TENM3: variants seen among roughly 807,000 people sequenced by gnomAD.
The protein encoded by TENM3 is teneurin-3.
Under a neutral mutation model 255.1 loss-of-function variants are expected in TENM3, and 63 were observed. The observed-to-expected ratio is 0.25, with a 90% CI of 0.20 to 0.30. The LOEUF (loss-of-function observed/expected upper bound fraction) is 0.30, where lower values mean the gene tolerates loss of function less well. TENM3 is among the 10% of genes least tolerant of loss of function. The pLI, the probability that TENM3 is intolerant of heterozygous loss-of-function variation, is 1.00. For synonymous variants in TENM3, 1,306 were observed against 1,322.3 expected (o/e 0.99, Z 0.27); for missense variants, 2,929 against 3,461.1 (o/e 0.85, Z 3.86).
chr4:182,361,959 T>G (rs1357020421), intron 3 of TENM3, among the ~76,000 whole-genome samples: 2 of 152,212 alleles, frequency 1.3e-5, no homozygotes, highest in Non-Finnish European at 2.9e-5. Context: ...GCTGCAGGTC[T>G]GTTGGAGTTT....
the TENM3 span, among the ~76,000 whole-genome samples, chr4:181,491,397 T>G: frequency 6.6e-6 from 1 of 152,020 alleles, no homozygotes. Flanking sequence ...TTATTCAAAA[T>G]AAAATGGAAT....
At chr4:182,070,358 C>T in the TENM3 span, among the ~76,000 whole-genome samples, 57,382 of 152,156 alleles carry the variant, frequency 0.38, 12,553 homozygotes, top group East Asian at 0.57. Context: ...GTGGCTCACA[C>T]CTGTAATCCC....
intron 1 of TENM3, among the ~76,000 whole-genome samples, chr4:182,232,553 A>G (rs1209535419): frequency 1.3e-5 from 2 of 152,204 alleles, no homozygotes; most frequent in South Asian, 2.1e-4. Flanking sequence ...GCGAAACCCC[A>G]TGTCTACTAA....
chr4:182,371,229 T>A (rs1580327670), intron 3 of TENM3, among the ~76,000 whole-genome samples: 1 of 144,218 alleles, frequency 6.9e-6, no homozygotes, highest in Non-Finnish European at 1.5e-5. Context: ...CTCCTCCCCA[T>A]CACACACACA....
the TENM3 span, among the ~76,000 whole-genome samples, chr4:181,539,170 C>T: frequency 8.5e-5 from 13 of 152,134 alleles, no homozygotes; most frequent in Non-Finnish European, 1.8e-4. Flanking sequence ...TTTTCTTCAG[C>T]ATTGGAAGAA....
chr4:181,606,883 C>G, the TENM3 span, among the ~76,000 whole-genome samples: 1 of 152,100 alleles, frequency 6.6e-6, no homozygotes, highest in Non-Finnish European at 1.5e-5. Context: ...GGTTCACCAG[C>G]CCAGGGCCAT....
At chr4:182,678,048 A>C (rs976676719) in intron 7 of TENM3, among the ~76,000 whole-genome samples, 1 of 152,086 alleles carries the variant, frequency 6.6e-6, no homozygotes. Flanking sequence ...ATAATTATTT[A>C]TATATAGTAC....
chr4:181,798,437 T>C, the TENM3 span, among the ~76,000 whole-genome samples: 2 of 152,144 alleles, frequency 1.3e-5, no homozygotes, highest in African/African-American at 4.8e-5. Flanking sequence ...GACTCCCTAG[T>C]GGCTGGGAGC....
In TENM3 at chr4:182,565,332, A is replaced by C. The variant is rs2074692308; in HGVS notation, c.512-35592A>C. Among the ~76,000 whole-genome samples the C allele has an allele frequency of 2.6e-5, 4 of 152,208 alleles. No individual in the cohort carries two copies. In the South Asian group the frequency reaches 8.3e-4, roughly 31 times the overall value. ...TCTGATAATAGGTGTGTTGGCTATA[A>C]AGATTGAAGATACAATTAAATTATA... On this transcript the variant is annotated intron_variant, in intron 3 of 27. Coordinates refer to ENST00000511685, the MANE Select transcript of TENM3 (RefSeq NM_001080477.4).
At chr4:181,946,904 C>T in the TENM3 span, among the ~76,000 whole-genome samples, 14 of 152,172 alleles carry the variant, frequency 9.2e-5, no homozygotes, top group Non-Finnish European at 1.9e-4. Flanking sequence ...ATATTTGACT[C>T]CAACTCACAA....
intron 3 of TENM3, among the ~76,000 whole-genome samples, chr4:182,402,732 A>G (rs1316372876): frequency 6.6e-6 from 1 of 152,202 alleles, no homozygotes; most frequent in East Asian, 1.9e-4. Context: ...CAAAGAGATG[A>G]GAGAGAAATT....
the TENM3 span, among the ~76,000 whole-genome samples, chr4:181,900,435 A>T: frequency 6.6e-6 from 1 of 152,310 alleles, no homozygotes; most frequent in African/African-American, 2.4e-5. Context: ...TTCACATATC[A>T]TATATAAATA....
chr4:182,276,959 T>C, intron 1 of TENM3, among the ~76,000 whole-genome samples: 1 of 152,206 alleles, frequency 6.6e-6, no homozygotes, highest in Middle Eastern at 3.2e-3. Context: ...GCTGTGTTAA[T>C]TTTACTTTCA....
chr4:181,526,547 C>G, the TENM3 span, among the ~76,000 whole-genome samples: 2 of 152,152 alleles, frequency 1.3e-5, no homozygotes, highest in Non-Finnish European at 2.9e-5. Context: ...AGGGGTTCAT[C>G]TTATCTATCC....
intron 1 of TENM3, among the ~76,000 whole-genome samples, chr4:182,180,534 G>C (rs1426584992): frequency 6.6e-6 from 1 of 151,720 alleles, no homozygotes; most frequent in Non-Finnish European, 1.5e-5. Context: ...ATTTAGATGA[G>C]TTTCATAAAG....
intron 1 of TENM3, among the ~76,000 whole-genome samples, chr4:182,278,330 G>A (rs527593398): frequency 6.6e-6 from 1 of 152,140 alleles, no homozygotes; most frequent in East Asian, 1.9e-4. Context: ...TCTAGTCATT[G>A]CACTCCAGCC....
chr4:182,325,340 T>C (rs1365910545), intron 2 of TENM3, among the ~76,000 whole-genome samples: 1 of 152,224 alleles, frequency 6.6e-6, no homozygotes, highest in Admixed American at 6.5e-5. Context: ...CAAAGAGCCA[T>C]TGTAACTAGA....
chr4:181,835,130 T>A, the TENM3 span: 1 of 152,148 alleles, frequency 6.6e-6, no homozygotes, highest in Non-Finnish European at 1.5e-5. Flanking sequence ...CACCATTAGG[T>A]CACCTTTATG....
At chr4:182,254,478 T>A (rs1021371970) in intron 1 of TENM3, among the ~76,000 whole-genome samples, 1 of 152,200 alleles carries the variant, frequency 6.6e-6, no homozygotes, top group African/African-American at 2.4e-5. Flanking sequence ...ATTCTTCCGG[T>A]ATTTAGCATT....
Sources: allele counts gnomAD v4.1 joint callset (sites outside exome capture counted in the v4.1 genomes callset), GRCh38; gene constraint gnomAD v4.1.1; transcripts MANE v1.5; gene names NCBI Gene and HGNC (gene_info 2026-07-23, HGNC 2026-07-21).